COL4A1: variants seen among roughly 807,000 people sequenced by gnomAD.
COL4A1 encodes collagen type IV alpha 1 chain.
COL4A1 carries 40 observed loss-of-function variants against 216.6 expected under a neutral mutation model. The ratio of observed to expected loss-of-function variants is 0.18; its 90% CI spans 0.14 to 0.24. COL4A1 has a LOEUF of 0.24. Among genes scored for constraint, COL4A1 ranks in the 10% least tolerant of loss-of-function variants. The pLI, the probability that COL4A1 is intolerant of heterozygous loss-of-function variation, is 1.00. For missense variants in COL4A1, 1,628 were observed against 2,196.8 expected, an observed-to-expected ratio of 0.74 and a Z score of 5.18; for synonymous variants, 839 against 810.7, an observed-to-expected ratio of 1.03 and a Z score of -0.59.
chr13:110,194,030 G>C (rs1878764775), intron 22 of COL4A1, among the ~76,000 whole-genome samples: 1 of 152,190 alleles, frequency 6.6e-6, no homozygotes, highest in African/African-American at 2.4e-5. Context: ...TAAGATTGCA[G>C]TGTGAAGAAC....
chr13:110,232,455 A>G (rs1881105504), intron 2 of COL4A1, among the ~76,000 whole-genome samples: 1 of 152,220 alleles, frequency 6.6e-6, no homozygotes, highest in African/African-American at 2.4e-5. Flanking sequence ...TTGAATGCTC[A>G]AAATATTCTA....
At chr13:110,158,800 T>G (rs1876925027) in intron 49 of COL4A1, among the ~76,000 whole-genome samples, 1 of 145,330 alleles carries the variant, frequency 6.9e-6, no homozygotes, top group South Asian at 2.2e-4. Context: ...TGGAGTGCAA[T>G]GGTGCGATCC....
intron 23 of COL4A1, 56 bp downstream of exon 23, chr13:110,192,774 G>C: frequency 6.8e-7 from 1 of 1,473,768 alleles, no homozygotes; most frequent in Non-Finnish European, 9.5e-7. Context: ...TCACAGGAAA[G>C]ATGCCAACAC....
intron 1 of COL4A1, among the ~76,000 whole-genome samples, chr13:110,290,732 G>A (rs1480672634): frequency 6.6e-6 from 1 of 150,750 alleles, no homozygotes; most frequent in Non-Finnish European, 1.5e-5. Flanking sequence ...TTGGGTGCAC[G>A]AGAGCAAGTG....
chr13:110,193,083 T>C (rs1272852903), intron 22 of COL4A1, among the ~76,000 whole-genome samples, 170 bp from the exon 23 acceptor site: 1 of 152,220 alleles, frequency 6.6e-6, no homozygotes, highest in African/African-American at 2.4e-5. Flanking sequence ...GGGTGGAAAC[T>C]GCAGTCAAAC....
At position 110,178,139 on chromosome 13, in the gene COL4A1, G is replaced by A. The variant is rs1188349617; in HGVS notation, c.2551C>T (p.Pro851Ser). The change falls in exon 32 of 52, where the codon CCT becomes TCT. Residue 851 changes from proline (P) to serine (S), a missense_variant. Coordinates refer to ENST00000375820, the MANE Select transcript of COL4A1 (RefSeq NM_001845.6). ...AGCCCCGACTGTCCCGTTATGCCAGGGAGTCCTTGAGCCCCTTTATCTCCT... is the reference window on the plus strand; with the variant it reads ...AGCCCCGACTGTCCCGTTATGCCAGAGAGTCCTTGAGCCCCTTTATCTCCT... ...PKGDKGAQGLPGITGQSGLPG... is the reference protein window; with the variant it reads ...PKGDKGAQGLSGITGQSGLPG... 1 of 1,614,068 alleles carries A rather than the reference G, an allele frequency of 6.2e-7. No individual in the cohort carries two copies. The highest frequency in any genetic ancestry group is 1.3e-5 in the African/African-American group (1 of 74,940).
intron 1 of COL4A1, among the ~76,000 whole-genome samples, chr13:110,244,307 T>C (rs1259714835): frequency 6.6e-6 from 1 of 152,134 alleles, no homozygotes; most frequent in African/African-American, 2.4e-5. Context: ...AATTTTATAT[T>C]TTGGAAATGG....
chr13:110,151,479 G>A (rs925410819), intron 51 of COL4A1, among the ~76,000 whole-genome samples: 4 of 152,200 alleles, frequency 2.6e-5, no homozygotes, highest in Admixed American at 6.5e-5. Context: ...TAGGCACGCG[G>A]CACTTTTTGG....
intron 1 of COL4A1, chr13:110,266,207 C>G (rs1306459863): frequency 1.3e-5 from 2 of 152,278 alleles, no homozygotes; most frequent in Non-Finnish European, 2.9e-5. Context: ...TTCCCCAATT[C>G]AGCTGTTTCA....
At chr13:110,185,986 C>A (rs1459813616) in intron 26 of COL4A1, among the ~76,000 whole-genome samples, 1 of 152,120 alleles carries the variant, frequency 6.6e-6, no homozygotes, top group East Asian at 1.9e-4. Flanking sequence ...AGGCGTCTGC[C>A]GACTGTGAAG....
chr13:110,231,690 G>A (rs1008363999), intron 2 of COL4A1, among the ~76,000 whole-genome samples: 4 of 152,200 alleles, frequency 2.6e-5, no homozygotes, highest in African/African-American at 9.7e-5. Flanking sequence ...ACAGGACAAG[G>A]AGGCACTGGG....
Position 110,163,554 on chromosome 13 carries a change from T to C in COL4A1, c.4158A>G (p.Thr1386=), listed in dbSNP as rs1877185199. 3.7e-6 allele frequency: 6 copies of C among 1,613,850 alleles called. No individual in the cohort carries two copies. Among genetic ancestry groups the C allele is most frequent in the Non-Finnish European group, 5.1e-6 (6 of 1,179,842 alleles). The change falls in exon 47 of 52, where the codon ACA becomes ACG. Residue 1386 remains threonine (T), a synonymous_variant. Transcript: ENST00000375820. ...GAGGTCCAGGTATACCCACCAATCC[T>C]GTAACACCTGAGGCAGAGGAAAAAT... ...LPGPKGQQGV[T]GLVGIPGPPG... is the part of the protein sequence containing the mutation.
Position 110,273,577 on chromosome 13 carries a change from G to A in COL4A1, c.85-30843C>T, listed in dbSNP as rs188671786. ...CCAAACTCAGATCCTACAGTTAACT[G>A]TCTGGTTGGAAAAAAGGGGTTTAAA... On this transcript the variant is annotated intron_variant, in intron 1 of 51. Transcript: ENST00000375820. Among the ~76,000 whole-genome samples, 80 of 152,218 alleles carry A rather than the reference G, an allele frequency of 5.3e-4. 3 individuals carry two copies. Among genetic ancestry groups the A allele is most frequent in the Admixed American group, 4.8e-3 (74 of 15,298 alleles).
intron 24 of COL4A1, among the ~76,000 whole-genome samples, chr13:110,188,632 A>G (rs995178764): frequency 6.6e-6 from 1 of 152,202 alleles, no homozygotes; most frequent in African/African-American, 2.4e-5. Flanking sequence ...CTTGTACCTT[A>G]TGCCTGTGCC....
intron 26 of COL4A1, among the ~76,000 whole-genome samples, chr13:110,185,552 C>T (rs953832350): frequency 4.6e-5 from 7 of 150,610 alleles, no homozygotes; most frequent in East Asian, 2.0e-4. Context: ...TTCCTAGCAA[C>T]GCGCATTTAC....
intron 2 of COL4A1, among the ~76,000 whole-genome samples, chr13:110,219,647 A>AAT (rs1339586899): frequency 2.4e-4 from 23 of 95,144 alleles, no homozygotes; most frequent in South Asian, 1.5e-3. Context: ...GTAAGTTGAA[A>AAT]ATATATATAT....
At chr13:110,154,795 A>ATATAGAG (rs1876697681) in intron 50 of COL4A1, among the ~76,000 whole-genome samples, 1 of 150,582 alleles carries the variant, frequency 6.6e-6, no homozygotes. Context: ...GAAGCTGCTC[A>ATATAGAG]AAGATGGAAG....
chr13:110,207,666 T>C lies in COL4A1; in HGVS notation c.694-177A>G, dbSNP rs1220056053. Among the ~76,000 whole-genome samples, 1 of 152,204 alleles carries C rather than the reference T, an allele frequency of 6.6e-6. No individual in the cohort carries two copies. The highest frequency in any genetic ancestry group is 1.5e-5 in the Non-Finnish European group (1 of 68,038). Reference sequence around the variant, plus strand: ...AAATCAAATTTCAATAGGAAGATGATACAACAAGTATCTAAACCCAGGAGG... The same window carrying C: ...AAATCAAATTTCAATAGGAAGATGACACAACAAGTATCTAAACCCAGGAGG... On this transcript the variant is annotated intron_variant, in intron 12 of 51. Coordinates refer to ENST00000375820, the MANE Select transcript of COL4A1 (RefSeq NM_001845.6). This position sits in a 1 kb window ranked among gnomAD's most constrained non-coding sequence, Gnocchi z 4.4.
In COL4A1 at chr13:110,302,404, C is replaced by T. The variant is rs1884531299; in HGVS notation, c.84+4540G>A. Reference sequence around the variant, plus strand: ...GAGTTCAAGAAGGAGTTCTGGAGTCCCCTTCAGGGAGTAATGGTGCATCAT... The same window carrying T: ...GAGTTCAAGAAGGAGTTCTGGAGTCTCCTTCAGGGAGTAATGGTGCATCAT... On this transcript the variant is annotated intron_variant, in intron 1 of 51. Transcript: ENST00000375820. 2.0e-5 allele frequency among the ~76,000 whole-genome samples: 3 copies of T among 152,172 alleles called. No homozygotes were observed. The South Asian group carries it at 6.2e-4, about 32-fold the overall frequency.
Sources: allele counts gnomAD v4.1 joint callset (sites outside exome capture counted in the v4.1 genomes callset), GRCh38; gene constraint gnomAD v4.1.1; non-coding constraint Gnocchi (gnomAD v3.1); transcripts MANE v1.5; gene names NCBI Gene and HGNC (gene_info 2026-07-23, HGNC 2026-07-21).